The following DCTN4 variants were observed in gnomAD, a reference collection of about 807,000 sequenced individuals.
DCTN4 encodes the protein dynactin 4 (p62).
Under a neutral mutation model 62.7 loss-of-function variants are expected in DCTN4, and 23 were observed. The ratio of observed to expected loss-of-function variants is 0.37; its 90% confidence interval spans 0.26 to 0.52. DCTN4 has a LOEUF of 0.52. DCTN4 is among the 20% of genes least tolerant of loss of function. The pLI is 0.92. For missense variants in DCTN4, 514 were observed against 580.4 expected (o/e 0.89, Z 1.18); for synonymous variants, 199 against 202.1 (o/e 0.98, Z 0.13).
chr5:150,744,472 C>T (rs992647367), intron 3 of DCTN4, among the ~76,000 whole-genome samples: 12 of 151,986 alleles, frequency 7.9e-5, no homozygotes, highest in African/African-American at 2.9e-4. Flanking sequence ...AAGAGCAACT[C>T]CAAGACACAT....
At chr5:150,757,178 G>A (rs376417347) in intron 1 of DCTN4, among the ~76,000 whole-genome samples, 1 of 152,268 alleles carries the variant, frequency 6.6e-6, no homozygotes, top group South Asian at 2.1e-4. Context: ...TAAATACTAT[G>A]ATAGAAACTG....
At chr5:150,749,520 A>G (rs1310247124) in intron 3 of DCTN4, among the ~76,000 whole-genome samples, 1 of 152,158 alleles carries the variant, frequency 6.6e-6, no homozygotes, top group Non-Finnish European at 1.5e-5. Flanking sequence ...CACTTTGGAA[A>G]ACAGTTGGGC....
intron 3 of DCTN4, among the ~76,000 whole-genome samples, chr5:150,753,153 C>T (rs1303687452): frequency 1.3e-5 from 2 of 152,232 alleles, no homozygotes; most frequent in East Asian, 3.8e-4. Context: ...GCGTGAGCCA[C>T]CGTGCCCGGC....
In DCTN4 at chr5:150,752,076, G is replaced by A. The variant is rs115841789; in HGVS notation, c.385+1403C>T. On this transcript the variant is annotated intron_variant, in intron 3 of 12. Coordinates refer to ENST00000447998, the MANE Select transcript of DCTN4 (RefSeq NM_016221.4). Reference sequence around the variant, plus strand: ...TTTTTACAAGTTTAAAATGTTTTTAGAAAATTAAACAATGAAACCTCAGAA... The same window carrying A: ...TTTTTACAAGTTTAAAATGTTTTTAAAAAATTAAACAATGAAACCTCAGAA... 5.4e-3 allele frequency among the ~76,000 whole-genome samples: 820 copies of A among 151,840 alleles called. 10 individuals are homozygous for A. The highest frequency in any genetic ancestry group is 0.017 in the Middle Eastern group (5 of 294).
At position 150,711,069 on chromosome 5, in the gene DCTN4, T is replaced by C; in HGVS notation, c.*80A>G. ...TGGGTACATCGTTATAAACAAGGCC[T>C]AATGAAGCAGCAGCTTCCACATTTT... On this transcript the variant is annotated 3_prime_UTR_variant, in exon 13 of 13. Coordinates refer to ENST00000447998, the MANE Select transcript of DCTN4 (RefSeq NM_016221.4). 7.4e-7 allele frequency: 1 copy of C among 1,346,894 alleles called. No individual in the cohort carries two copies. The highest frequency in any genetic ancestry group is 1.2e-5 in the South Asian group (1 of 81,670). 83.4% of individuals were successfully genotyped at this position (1,346,894 alleles called of 1,614,324 possible).
intron 4 of DCTN4, chr5:150,734,074 C>G (rs900512415): frequency 3.9e-5 from 6 of 151,948 alleles, no homozygotes; most frequent in African/African-American, 1.5e-4. Flanking sequence ...TGCCTATAGT[C>G]CCAGCTACTC....
intron 3 of DCTN4, among the ~76,000 whole-genome samples, chr5:150,750,638 ATAGAG>A (rs1310255369): frequency 1.3e-5 from 2 of 152,352 alleles, no homozygotes; most frequent in East Asian, 1.9e-4. Flanking sequence ...CATAATGCTG[ATAGAG>A]TAAAGTTGTA....
At chr5:150,733,645 C>T (rs113920181) in intron 4 of DCTN4, 170 bp from the exon 5 acceptor site, 13 of 475,528 alleles carry the variant, frequency 2.7e-5, no homozygotes, top group Admixed American at 7.8e-5. Flanking sequence ...ATCTGTTTTC[C>T]GAAGTGAAAT....
intron 11 of DCTN4, among the ~76,000 whole-genome samples, chr5:150,716,618 G>C (rs925771604): frequency 6.6e-6 from 1 of 152,050 alleles, no homozygotes; most frequent in Non-Finnish European, 1.5e-5. Flanking sequence ...CTGCTTATTA[G>C]TGTTAATAAA....
chr5:150,742,281 ATATAACTATAGAC>A, intron 3 of DCTN4, 124 bp from the exon 4 acceptor site: 1 of 912,916 alleles, frequency 1.1e-6, no homozygotes, highest in East Asian at 2.4e-5. Flanking sequence ...ATTCTGGTCT[ATATAACTATAGAC>A]TATAATGTTC....
intron 8 of DCTN4, among the ~76,000 whole-genome samples, chr5:150,723,737 T>C (rs911633687): frequency 3.9e-5 from 6 of 152,264 alleles, no homozygotes; most frequent in African/African-American, 1.4e-4. Flanking sequence ...TTACCCATTA[T>C]CTGTCTGTCC....
chr5:150,719,843 T>C (rs1759896453), intron 9 of DCTN4, 73 bp from the exon 10 acceptor site: 3 of 940,296 alleles, frequency 3.2e-6, no homozygotes, highest in Non-Finnish European at 5.0e-6. Context: ...TTAAAGCTAG[T>C]GCAGTACATA....
chr5:150,756,637 C>CTTTT, intron 1 of DCTN4, 150 bp from the exon 2 acceptor site: 1 of 225,890 alleles, frequency 4.4e-6, no homozygotes, highest in Non-Finnish European at 7.0e-6. Flanking sequence ...CTTCAGTCAC[C>CTTTT]TGTTTTTTTT....
intron 4 of DCTN4, among the ~76,000 whole-genome samples, chr5:150,741,727 C>T (rs1760777361): frequency 6.6e-6 from 1 of 152,204 alleles, no homozygotes; most frequent in Admixed American, 6.5e-5. Flanking sequence ...AGCAATCCTC[C>T]TGCCTCAGCC....
chr5:150,732,828 G>A (rs899967438), intron 5 of DCTN4, among the ~76,000 whole-genome samples: 1 of 152,174 alleles, frequency 6.6e-6, no homozygotes, highest in African/African-American at 2.4e-5. Context: ...GGTAGAGAAT[G>A]ACTCTCATAA....
intron 1 of DCTN4, chr5:150,758,629 C>T: frequency 1.6e-6 from 2 of 1,254,192 alleles, no homozygotes; most frequent in Non-Finnish European, 2.1e-6. Context: ...TCAAGTTTGT[C>T]CAATCAGAGG....
chr5:150,733,758 T>A (rs1047682141), intron 4 of DCTN4: 100 of 265,306 alleles, frequency 3.8e-4, no homozygotes, highest in Non-Finnish European at 5.5e-4. Flanking sequence ...ACTGCTCTTA[T>A]TTTTTTTCTG....
intron 5 of DCTN4, 111 bp downstream of exon 5, chr5:150,733,257 C>A: frequency 1.5e-6 from 1 of 655,472 alleles, no homozygotes; most frequent in Non-Finnish European, 2.6e-6. Context: ...TGAAGAATCC[C>A]TCTCTCTGAT....
intron 3 of DCTN4, among the ~76,000 whole-genome samples, chr5:150,752,308 G>A (rs536500284): frequency 1.3e-5 from 2 of 152,156 alleles, no homozygotes; most frequent in African/African-American, 4.8e-5. Flanking sequence ...AAAATTAAGT[G>A]TAATCTGTTC....
Sources: allele counts gnomAD v4.1 joint callset (sites outside exome capture counted in the v4.1 genomes callset), GRCh38; gene constraint gnomAD v4.1.1; transcripts MANE v1.5; gene names NCBI Gene and HGNC (gene_info 2026-07-23, HGNC 2026-07-21).